Variants in RGL3 observed in about 807,000 individuals in gnomAD.
RGL3 encodes the protein ral guanine nucleotide dissociation stimulator-like 3.
In RGL3, 85 loss-of-function variants were observed where a neutral mutation model predicts 90.6. That is an observed-to-expected ratio of 0.94 (90% CI 0.79 to 1.12). RGL3 has a LOEUF of 1.12. Ranked by LOEUF, RGL3 falls within the 50% of genes most tolerant of loss-of-function variation. The probability of loss-of-function intolerance (pLI) is 0.00; values close to 1 mark genes in which losing one functional copy is unlikely to be tolerated. For missense variants in RGL3, 1,034 were observed against 939.2 expected (o/e 1.10, Z -1.32); for synonymous variants, 408 against 385.5 (o/e 1.06, Z -0.68).
chr19:11,399,879 T>C lies in RGL3; in HGVS notation c.1722A>G (p.Pro574=). Residue 574 remains proline (P), a synonymous_variant, in exon 16 of 19, where the codon CCA becomes CCG. Coordinates refer to ENST00000380456, the MANE Select transcript of RGL3 (RefSeq NM_001035223.4). The part of the protein sequence containing the change: ...DAPAGSPPAS[P]GPQGPSTKLP... ...CCTTGGTGCTGGGGCCCTGGGGCCC[T>C]GGAGAGGCCGGGGGACTGCCAGCAG... 1 of 1,509,176 alleles carries C rather than the reference T, an allele frequency of 6.6e-7. No individual in the cohort carries two copies. The highest frequency in any genetic ancestry group is 8.8e-7 in the Non-Finnish European group (1 of 1,132,378). 93.5% of individuals were successfully genotyped at this position (1,509,176 alleles called of 1,614,324 possible). A position where few individuals can be genotyped will look rare whatever the true frequency, so the allele number is the denominator to read the frequency against.
intron 18 of RGL3, among the ~76,000 whole-genome samples, chr19:11,395,879 G>A (rs981481020): frequency 6.7e-6 from 1 of 149,738 alleles, no homozygotes; most frequent in African/African-American, 2.5e-5. Context: ...CACCCGCCTC[G>A]GCCTCCCAAA....
At chr19:11,405,492 ATCTTTTTTTTTTTT>A (rs1968761071) in intron 7 of RGL3, 66 bp from the exon 8 acceptor site, 2 of 132,452 alleles carry the variant, frequency 1.5e-5, no homozygotes, top group Non-Finnish European at 3.0e-5. Flanking sequence ...AAACTTCTTC[ATCTTTTTTTTTTTT>A]TTTTTTTTTT....
At chr19:11,399,388 G>A (rs987592100) in intron 16 of RGL3, among the ~76,000 whole-genome samples, 1 of 152,016 alleles carries the variant, frequency 6.6e-6, no homozygotes, top group Non-Finnish European at 1.5e-5. Flanking sequence ...GCAACATGGC[G>A]AAACCTCATC....
In RGL3 at chr19:11,400,250, C is replaced by T. The variant is rs745352838; in HGVS notation, c.1532G>A (p.Ser511Asn). 2.5e-6 allele frequency: 4 copies of T among 1,599,598 alleles called. No homozygotes were observed. The African/African-American group carries it at 5.4e-5, about 22-fold the overall frequency. ...GATCCGCCGTCGGATGCGTGGGGAG[C>T]TGGGGCAGGAGGCAGCTGGTGGCTC... ...VIEPPAASCP[S>N]SPRIRRRISL... is the part of the protein sequence containing the mutation. Residue 511 changes from serine (S) to asparagine (N), a missense_variant, in exon 14 of 19, where the codon AGC becomes AAC. By Grantham distance (46) the Ser-to-Asn change is conservative (BLOSUM62 1). Transcript: ENST00000380456.
intron 18 of RGL3, among the ~76,000 whole-genome samples, chr19:11,396,742 G>A (rs1032578262): frequency 1.4e-5 from 2 of 147,286 alleles, no homozygotes; most frequent in African/African-American, 5.1e-5. Context: ...TCGGCTCACT[G>A]CAACCTCCGC....
intron 4 of RGL3, 177 bp from the exon 5 acceptor site, chr19:11,416,325 T>C: frequency 1.6e-6 from 1 of 628,146 alleles, no homozygotes; most frequent in Non-Finnish European, 2.7e-6. Flanking sequence ...TAGCTGGGAC[T>C]ACAGGCATGC....
chr19:11,407,256 C>G (rs548965588), intron 5 of RGL3, among the ~76,000 whole-genome samples: 5 of 152,044 alleles, frequency 3.3e-5, no homozygotes, highest in South Asian at 2.1e-4. Flanking sequence ...AAAGTGCTGG[C>G]ATTACAGGTG....
rs752277235 is a variant in RGL3, at chr19:11,397,274, G to C, written c.1984C>G (p.Gln662Glu). The part of the protein sequence containing the change: ...NVPQPWACDY[Q>E]LFQVLPGDRV... ...TCCCCAGGAAGGACTTGAAAGAGCTGATAGTCACAGGCCCAGGGCTGGGGC... is the reference window on the plus strand; with the variant it reads ...TCCCCAGGAAGGACTTGAAAGAGCTCATAGTCACAGGCCCAGGGCTGGGGC... Residue 662 changes from glutamine to glutamate, a missense_variant, in exon 18 of 19, where the codon CAG (glutamine) becomes GAG (glutamate). Coordinates refer to ENST00000380456, the MANE Select transcript of RGL3 (RefSeq NM_001035223.4). The C allele has an allele frequency of 1.2e-6, 2 of 1,613,934 alleles. No individual in the cohort carries two copies. Among genetic ancestry groups the C allele is most frequent in the Non-Finnish European group, 8.5e-7 (1 of 1,179,966 alleles).
intron 4 of RGL3, 169 bp from the exon 5 acceptor site, chr19:11,416,317 G>T: frequency 1.6e-6 from 1 of 633,818 alleles, no homozygotes; most frequent in Non-Finnish European, 2.7e-6. Context: ...CTCCCGAGTA[G>T]CTGGGACTAC....
chr19:11,414,509 A>C (rs1357712769), intron 5 of RGL3, among the ~76,000 whole-genome samples: 2 of 116,252 alleles, frequency 1.7e-5, no homozygotes, highest in African/African-American at 6.8e-5. Context: ...ATATATATAT[A>C]TATATATATA....
intron 5 of RGL3, among the ~76,000 whole-genome samples, chr19:11,414,660 C>T (rs1046127089): frequency 1.3e-5 from 2 of 150,434 alleles, no homozygotes; most frequent in Non-Finnish European, 2.9e-5. Flanking sequence ...GATAGAGATG[C>T]TTTTGTGATG....
intron 5 of RGL3, among the ~76,000 whole-genome samples, chr19:11,412,689 G>A (rs543958875): frequency 3.9e-5 from 6 of 152,078 alleles, no homozygotes; most frequent in South Asian, 2.1e-4. Context: ...ATTCATAGTC[G>A]GGTGCGGTGG....
In RGL3 at chr19:11,405,420, G is replaced by A. The variant is rs766004067; in HGVS notation, c.1003C>T (p.Arg335Ter). 56 of 1,577,992 alleles carry A rather than the reference G, an allele frequency of 3.5e-5. No individual in the cohort carries two copies. Among genetic ancestry groups the A allele is most frequent in the Middle Eastern group, 3.8e-4 (2 of 5,268 alleles). Residue 335 changes from arginine (R) to a stop codon, truncating the protein, a stop_gained, in exon 8 of 19, where the codon CGA becomes TGA. Transcript: ENST00000380456. LOFTEE classifies it high-confidence loss of function. ...AAGGAGGAGAAGTTCCGCAGTTCTC[G>A]GCAGCGCTGCCAGGCGGTGGGGACG... ...EKWIRIAQRC[R>*]ELRNFSSLRA... is the part of the protein sequence containing the mutation.
chr19:11,404,899 C>T (rs991165908), intron 9 of RGL3, among the ~76,000 whole-genome samples: 1 of 152,140 alleles, frequency 6.6e-6, no homozygotes, highest in Non-Finnish European at 1.5e-5. Flanking sequence ...CCTTAAGTAA[C>T]CTTTTCTTTG....
At chr19:11,414,187 ATATATACCTT>A (rs1968927987) in intron 5 of RGL3, among the ~76,000 whole-genome samples, 1 of 103,640 alleles carries the variant, frequency 9.6e-6, no homozygotes, top group South Asian at 3.3e-4. Context: ...ACACCTATAT[ATATATACCTT>A]TATATATATA....
chr19:11,400,339 T>C (rs1344713044), intron 13 of RGL3, 42 bp from the exon 14 acceptor site: 3 of 1,496,586 alleles, frequency 2.0e-6, no homozygotes, highest in Non-Finnish European at 2.7e-6. Flanking sequence ...GGGCAGGAAA[T>C]ACAGGGGATG....
chr19:11,401,694 C>T (rs576647143), intron 13 of RGL3, among the ~76,000 whole-genome samples: 1 of 152,100 alleles, frequency 6.6e-6, no homozygotes, highest in Admixed American at 6.6e-5. Flanking sequence ...AGCCACCGTG[C>T]CCAGCCACGT....
intron 1 of RGL3, 115 bp downstream of exon 1, chr19:11,419,131 G>T (rs1444402008): frequency 1.7e-6 from 2 of 1,144,854 alleles, no homozygotes; most frequent in Non-Finnish European, 2.5e-6. Context: ...CCCAGGAGGG[G>T]ACTCCAGGGC....
intron 2 of RGL3, 67 bp downstream of exon 2, chr19:11,418,604 G>T: frequency 1.5e-6 from 2 of 1,291,366 alleles, no homozygotes; most frequent in East Asian, 2.7e-5. Context: ...GCCTGTGCTC[G>T]GCTCTCCAGC....
Sources: gnomAD v4.1 joint callset for allele counts (sites outside exome capture counted in the v4.1 genomes callset) on GRCh38, gnomAD v4.1.1 for gene constraint, MANE v1.5 for transcripts, NCBI Gene and HGNC (gene_info 2026-07-23, HGNC 2026-07-21) for gene names.